MGME1: variants seen among roughly 807,000 people sequenced by gnomAD.
The protein encoded by MGME1 is chromosome 20 open reading frame 72.
MGME1 carries 22 observed loss-of-function variants against 33.0 expected under a neutral mutation model. The ratio of observed to expected loss-of-function variants is 0.67; its 90% confidence interval spans 0.48 to 0.95. The LOEUF (loss-of-function observed/expected upper bound fraction) is 0.95, where lower values mean the gene tolerates loss of function less well. Among genes scored for constraint, MGME1 ranks in the 40% least tolerant of loss-of-function variants. The pLI is 0.00. For synonymous variants in MGME1, 133 were observed against 144.0 expected, an observed-to-expected ratio of 0.92 and a Z score of 0.55; for missense variants, 383 against 397.8, an observed-to-expected ratio of 0.96 and a Z score of 0.32.
chr20:17,981,577 G>A (rs1383656551), intron 3 of MGME1, among the ~76,000 whole-genome samples: 1 of 152,110 alleles, frequency 6.6e-6, no homozygotes, highest in Non-Finnish European at 1.5e-5. Context: ...TGGGAAGGAA[G>A]TATGATCCTC....
upstream of MGME1, chr20:17,968,794 G>A (rs997158303): frequency 3.6e-6 from 1 of 277,452 alleles, no homozygotes; most frequent in Non-Finnish European, 6.9e-6. Context: ...TCTAGAGAAA[G>A]ACCGCGTTTC....
intron 2 of MGME1, 116 bp from the exon 3 acceptor site, chr20:17,975,568 A>AT: frequency 1.3e-6 from 1 of 793,180 alleles, no homozygotes; most frequent in Non-Finnish European, 2.0e-6. Flanking sequence ...AAAAAAAAAA[A>AT]GAAAAAAAAA....
At chr20:17,980,430 G>A (rs1277429872) in intron 3 of MGME1, among the ~76,000 whole-genome samples, 1 of 151,896 alleles carries the variant, frequency 6.6e-6, no homozygotes, top group Non-Finnish European at 1.5e-5. Context: ...GATATTGTAT[G>A]ACCATATGTA....
intron 2 of MGME1, among the ~76,000 whole-genome samples, chr20:17,970,655 A>T (rs2035704417): frequency 6.6e-6 from 1 of 152,260 alleles, no homozygotes; most frequent in South Asian, 2.1e-4. Flanking sequence ...ATAAGCTACC[A>T]ACAATATTAG....
At chr20:17,989,388 C>CAAATAAATAAATAAATAAATAAAT (rs58644150) in intron 4 of MGME1, among the ~76,000 whole-genome samples, 15 of 142,474 alleles carry the variant, frequency 1.1e-4, no homozygotes, top group East Asian at 6.3e-4. Context: ...TGTCTCTCTC[C>CAAATAAATAAATAAATAAATAAAT]AAATAAATAA....
chr20:17,982,831 T>C (rs112457334), intron 3 of MGME1, among the ~76,000 whole-genome samples: 3 of 152,342 alleles, frequency 2.0e-5, no homozygotes, highest in East Asian at 1.9e-4. Context: ...TATTTTGATA[T>C]ATGTATACCT....
rs1272534566 is a variant in MGME1 at position 17,989,998 on chromosome 20, C to G, written c.924C>G (p.Phe308Leu). 1.9e-6 allele frequency: 3 copies of G among 1,614,062 alleles called. No individual in the cohort carries two copies. Among genetic ancestry groups the G allele is most frequent in the Non-Finnish European group, 2.5e-6 (3 of 1,180,038 alleles). Residue 308 changes from phenylalanine to leucine, a missense_variant, in exon 5 of 5, where the codon TTC becomes TTG. Coordinates refer to ENST00000377710, the MANE Select transcript of MGME1 (RefSeq NM_052865.4). The part of the protein sequence containing the change: ...YKDGSPAHPH[F>L]MDAELCSQYW... ...ATGGATCACCTGCCCACCCACATTT[C>G]ATGGATGCAGAGCTCTGTTCCCAGT...
Position 17,990,256 on chromosome 20 carries a change from G to T in MGME1, c.*147G>T. 1.3e-6 allele frequency: 1 copy of T among 754,906 alleles called. No individual in the cohort carries two copies. 46.8% of individuals were successfully genotyped at this position (754,906 alleles called of 1,614,324 possible). ...AAGTATTAATTTGTTGAAATGTGTT[G>T]TTACCAAAAAGACTGAAAAGCCCCA... On this transcript the variant is annotated 3_prime_UTR_variant, in exon 5 of 5. Transcript: ENST00000377710.
chr20:17,987,370 A>G (rs2036180566), intron 3 of MGME1, among the ~76,000 whole-genome samples: 1 of 152,180 alleles, frequency 6.6e-6, no homozygotes, highest in Non-Finnish European at 1.5e-5. Context: ...GGTCAGGCCA[A>G]ACTAAGGTGT....
At chr20:17,986,015 T>G (rs1030207228) in intron 3 of MGME1, among the ~76,000 whole-genome samples, 3 of 148,962 alleles carry the variant, frequency 2.0e-5, no homozygotes, top group African/African-American at 5.1e-5. Context: ...CTTTTGTGGT[T>G]CCGTGTTAAT....
In MGME1 at chr20:17,975,893, G is replaced by C; in HGVS notation, c.721G>C (p.Ala241Pro). The change falls in exon 3 of 5, where the codon GCT becomes CCT. Residue 241 changes from alanine to proline, a missense_variant. Coordinates refer to ENST00000377710, the MANE Select transcript of MGME1 (RefSeq NM_052865.4). ...LNYIGLLDCVAEYQGKLCVID... is the reference protein window; with the variant it reads ...LNYIGLLDCVPEYQGKLCVID... ...CTATATAGGTCTGCTGGACTGTGTG[G>C]CTGAGTATCAGTAAGTATGAGATTG... The C allele has an allele frequency of 6.2e-7, 1 of 1,613,346 alleles. No homozygotes were observed.
chr20:17,977,160 G>A (rs1484658473), intron 3 of MGME1, among the ~76,000 whole-genome samples: 1 of 151,982 alleles, frequency 6.6e-6, no homozygotes, highest in Non-Finnish European at 1.5e-5. Flanking sequence ...CAGATCACCT[G>A]AGGTCAGGAG....
intron 4 of MGME1, among the ~76,000 whole-genome samples, chr20:17,989,222 C>A (rs745408531): frequency 6.6e-6 from 1 of 151,506 alleles, no homozygotes; most frequent in Non-Finnish European, 1.5e-5. Context: ...CCTGTCTCTA[C>A]TAAAAATACA....
At chr20:17,972,777 G>T in intron 2 of MGME1, 1 of 985,292 alleles carries the variant, frequency 1.0e-6, no homozygotes, top group Middle Eastern at 5.2e-4. Flanking sequence ...GAAATGTATG[G>T]TCTATTGGCA....
At chr20:17,975,238 C>G (rs1246236581) in intron 2 of MGME1, among the ~76,000 whole-genome samples, 1 of 152,008 alleles carries the variant, frequency 6.6e-6, no homozygotes, top group African/African-American at 2.4e-5. Flanking sequence ...GAAATTTGGT[C>G]TTAGGGGTTG....
At chr20:17,980,264 G>A (rs960877313) in intron 3 of MGME1, among the ~76,000 whole-genome samples, 1 of 151,708 alleles carries the variant, frequency 6.6e-6, no homozygotes, top group African/African-American at 2.4e-5. Flanking sequence ...GACCTCAGGA[G>A]ATCTGCCTGC....
At chr20:17,988,680 G>C (rs533872391) in intron 4 of MGME1, among the ~76,000 whole-genome samples, 1 of 149,434 alleles carries the variant, frequency 6.7e-6, no homozygotes, top group Non-Finnish European at 1.5e-5. Flanking sequence ...CTTCTCAGTG[G>C]GGGGGTAGGA....
chr20:17,983,267 T>TTGTGTGTG (rs1555791107), intron 3 of MGME1, among the ~76,000 whole-genome samples: 6,835 of 142,620 alleles, frequency 0.048, 195 homozygotes, highest in Middle Eastern at 0.067. Flanking sequence ...TAGTGTTCTA[T>TTGTGTGTG]TGTGTGTGTG....
At position 17,980,686 on chromosome 20, in the gene MGME1, G is replaced by A. The variant is rs2035990909; in HGVS notation, c.731+4783G>A. Reference sequence around the variant, plus strand: ...TAGCCAGGCATGGTGGCAGGCGCCTGTAGTCCCAGCTACTTGGGAGGCTGA... The same window carrying A: ...TAGCCAGGCATGGTGGCAGGCGCCTATAGTCCCAGCTACTTGGGAGGCTGA... On this transcript the variant is annotated intron_variant, in intron 3 of 4. Coordinates refer to ENST00000377710, the MANE Select transcript of MGME1 (RefSeq NM_052865.4). 2.0e-5 allele frequency among the ~76,000 whole-genome samples: 3 copies of A among 151,868 alleles called. No individual in the cohort carries two copies. In the South Asian group the frequency reaches 6.2e-4, roughly 32 times the overall value.
Sources: allele counts gnomAD v4.1 joint callset (sites outside exome capture counted in the v4.1 genomes callset), GRCh38; gene constraint gnomAD v4.1.1; transcripts MANE v1.5; gene names NCBI Gene and HGNC (gene_info 2026-07-23, HGNC 2026-07-21).